Variants in ANKRD44 observed in about 807,000 individuals in gnomAD.
ANKRD44 encodes the protein serine/threonine-protein phosphatase 6 regulatory ankyrin repeat subunit B.
A neutral mutation model predicts 116.0 loss-of-function variants in ANKRD44; 35 were observed. That is an observed-to-expected ratio of 0.30 (90% confidence interval 0.23 to 0.40). The LOEUF (loss-of-function observed/expected upper bound fraction) is 0.40. Among genes scored for constraint, ANKRD44 ranks in the 10% least tolerant of loss-of-function variants. ANKRD44 has a pLI of 1.00. For synonymous variants in ANKRD44, 435 were observed against 461.8 expected, an observed-to-expected ratio of 0.94 and a Z score of 0.74; for missense variants, 1,014 against 1,242.6, an observed-to-expected ratio of 0.82 and a Z score of 2.77.
intron 1 of ANKRD44, among the ~76,000 whole-genome samples, chr2:197,194,907 A>T (rs1341733905): frequency 1.3e-5 from 2 of 152,216 alleles, no homozygotes; most frequent in South Asian, 2.1e-4. Context: ...ATTTTGAAGG[A>T]TGAGACTGGG....
chr2:196,981,111 C>T (rs2075798475), intron 21 of ANKRD44, among the ~76,000 whole-genome samples: 1 of 152,192 alleles, frequency 6.6e-6, no homozygotes. Flanking sequence ...ACTTTGGGCA[C>T]TCCACATCAA....
intron 1 of ANKRD44, among the ~76,000 whole-genome samples, chr2:197,234,193 GA>G (rs1258678916): frequency 7.0e-6 from 1 of 142,648 alleles, no homozygotes; most frequent in Non-Finnish European, 1.5e-5. Context: ...ATAAGTCATA[GA>G]TTTTTTTTTT....
chr2:197,202,687 C>A (rs1368604074), intron 1 of ANKRD44, among the ~76,000 whole-genome samples: 5 of 152,128 alleles, frequency 3.3e-5, no homozygotes, highest in Non-Finnish European at 7.4e-5. Context: ...GAGCCTCCCC[C>A]ATCAGCCTCC....
intron 13 of ANKRD44, among the ~76,000 whole-genome samples, chr2:197,086,099 C>T (rs2077915862): frequency 6.6e-6 from 1 of 151,492 alleles, no homozygotes; most frequent in African/African-American, 2.4e-5. Context: ...TTTGTGGCAA[C>T]CCCAGAGAAG....
chr2:197,289,147 TC>T (rs1181491818), intron 1 of ANKRD44, among the ~76,000 whole-genome samples: 4 of 152,168 alleles, frequency 2.6e-5, no homozygotes, highest in Admixed American at 2.6e-4. Flanking sequence ...CCTATGTATG[TC>T]TCACTCATAT....
chr2:197,167,246 CACAT>C (rs1275448243), intron 2 of ANKRD44, among the ~76,000 whole-genome samples: 1 of 151,942 alleles, frequency 6.6e-6, no homozygotes, highest in East Asian at 1.9e-4. Flanking sequence ...TCTTTTTGAA[CACAT>C]ACATTTTTAT....
At chr2:197,143,185 TTTTTA>T (rs1166684934) in intron 3 of ANKRD44, among the ~76,000 whole-genome samples, 81 of 149,272 alleles carry the variant, frequency 5.4e-4, no homozygotes, top group Non-Finnish European at 3.7e-4. Flanking sequence ...TTTTTTTTAT[TTTTTA>T]TTTATTTTTT....
At chr2:197,015,893 G>T in intron 17 of ANKRD44, 1 of 523,600 alleles carries the variant, frequency 1.9e-6, no homozygotes, top group Non-Finnish European at 3.7e-6. Context: ...TATAGTGGGC[G>T]ACAGCAATCA....
intron 1 of ANKRD44, among the ~76,000 whole-genome samples, chr2:197,273,044 C>A (rs909252751): frequency 2.6e-5 from 4 of 152,116 alleles, no homozygotes; most frequent in African/African-American, 9.7e-5. Context: ...TTGCTATTTT[C>A]TTTCAGTATT....
chr2:197,294,980 G>T (rs1487442083), intron 1 of ANKRD44, among the ~76,000 whole-genome samples: 2 of 152,144 alleles, frequency 1.3e-5, no homozygotes, highest in African/African-American at 4.8e-5. Flanking sequence ...GAAAAGGCAA[G>T]TGATTTAAAA....
At chr2:197,234,267 C>T (rs978978785) in intron 1 of ANKRD44, among the ~76,000 whole-genome samples, 4 of 151,910 alleles carry the variant, frequency 2.6e-5, no homozygotes, top group African/African-American at 9.7e-5. Context: ...TCAGCTCACA[C>T]TGCCTCCTCA....
intron 1 of ANKRD44, among the ~76,000 whole-genome samples, chr2:197,275,121 T>C (rs1249688930): frequency 6.6e-6 from 1 of 151,868 alleles, no homozygotes; most frequent in Non-Finnish European, 1.5e-5. Flanking sequence ...TTCTCTTTTT[T>C]TTTTGGAGAC....
chr2:197,307,246 C>A (rs1436829424), intron 1 of ANKRD44, among the ~76,000 whole-genome samples: 1 of 152,154 alleles, frequency 6.6e-6, no homozygotes, highest in Non-Finnish European at 1.5e-5. Context: ...CTCCTAATGT[C>A]CACATACAAG....
chr2:196,998,865 T>C, intron 24 of ANKRD44, 42 bp downstream of exon 24: 1 of 1,599,104 alleles, frequency 6.3e-7, no homozygotes, highest in Non-Finnish European at 8.5e-7. Context: ...ATTTTGGTTT[T>C]TGCATGGGCA....
intron 1 of ANKRD44, among the ~76,000 whole-genome samples, chr2:197,197,809 C>CAAAAAAAA (rs199994103): frequency 7.7e-4 from 88 of 114,050 alleles, no homozygotes; most frequent in Non-Finnish European, 8.8e-4. Flanking sequence ...AATCCTGTCT[C>CAAAAAAAA]AAAAAAAAAA....
chr2:197,232,483 A>C (rs2081887555), intron 1 of ANKRD44, among the ~76,000 whole-genome samples: 1 of 152,224 alleles, frequency 6.6e-6, no homozygotes. Context: ...GCCAGGTAGA[A>C]ATGGGAGAAA....
intron 1 of ANKRD44, among the ~76,000 whole-genome samples, chr2:197,277,222 T>C (rs1205657738): frequency 6.6e-6 from 1 of 152,074 alleles, no homozygotes; most frequent in South Asian, 2.1e-4. Flanking sequence ...TCAAGTGATA[T>C]TGATCCTCTT....
intron 17 of ANKRD44, chr2:197,015,932 T>C (rs978430942): frequency 1.1e-5 from 6 of 528,980 alleles, no homozygotes; most frequent in Non-Finnish European, 2.2e-5. Context: ...GGGGGTAGTT[T>C]TGGTGGAAGA....
intron 1 of ANKRD44, among the ~76,000 whole-genome samples, chr2:197,207,167 A>G (rs1331853407): frequency 6.6e-6 from 1 of 152,208 alleles, no homozygotes; most frequent in African/African-American, 2.4e-5. Context: ...ATCTACCCCA[A>G]AATTGGCCAC....
Sources: allele counts gnomAD v4.1 joint callset (sites outside exome capture counted in the v4.1 genomes callset), GRCh38; gene constraint gnomAD v4.1.1; transcripts MANE v1.5; gene names NCBI Gene and HGNC (gene_info 2026-07-23, HGNC 2026-07-21).